The following ITPR2 variants were observed in gnomAD, a reference collection of about 807,000 sequenced individuals.
The protein encoded by ITPR2 is inositol 1,4,5-trisphosphate-gated calcium channel ITPR2.
In ITPR2, 207 loss-of-function variants were observed where a neutral mutation model predicts 317.1. The ratio of observed to expected loss-of-function variants is 0.65; its 90% CI spans 0.58 to 0.73. ITPR2 has a LOEUF of 0.73. Ranked by LOEUF, ITPR2 falls within the 30% of genes least tolerant of loss-of-function variation. The pLI, the probability that ITPR2 is intolerant of heterozygous loss-of-function variation, is 0.00. For missense variants in ITPR2, 2,613 were observed against 3,284.0 expected (o/e 0.80, Z 4.99); for synonymous variants, 1,156 against 1,149.1 (o/e 1.01, Z -0.12).
At chr12:26,696,809 C>T (rs1038342753) in intron 9 of ITPR2, among the ~76,000 whole-genome samples, 6 of 152,128 alleles carry the variant, frequency 3.9e-5, no homozygotes, top group East Asian at 1.9e-4. Flanking sequence ...GAGAATTTAC[C>T]GACCAAAAAC....
intron 45 of ITPR2, among the ~76,000 whole-genome samples, chr12:26,453,917 AG>A (rs1396868548): frequency 1.3e-5 from 2 of 152,202 alleles, no homozygotes; most frequent in Admixed American, 1.3e-4. Context: ...CCAGAAGGAC[AG>A]GGATTTTGTT....
chr12:26,436,238 C>T lies in ITPR2; in HGVS notation c.6752G>A (p.Gly2251Glu). The T allele has an allele frequency of 6.2e-7, 1 of 1,604,980 alleles. No individual in the cohort carries two copies. Among genetic ancestry groups the T allele is most frequent in the Non-Finnish European group, 8.5e-7 (1 of 1,176,934 alleles). ...GCACTTGCCTTCATCTCCATCATCC[C>T]CAAATGGGTAGAAGAGAGCAACAGC... Reference protein sequence around the residue: ...NLAVALFYPFGDDGDEGTLSP... With the variant: ...NLAVALFYPFEDDGDEGTLSP... The change falls in exon 48 of 57, where the codon GGG becomes GAG. Residue 2251 changes from glycine to glutamate, a missense_variant. Transcript: ENST00000381340.
intron 34 of ITPR2, among the ~76,000 whole-genome samples, chr12:26,565,243 G>A (rs556995455): frequency 6.6e-5 from 10 of 152,216 alleles, no homozygotes; most frequent in Admixed American, 2.6e-4. Flanking sequence ...TGAATCTGAA[G>A]AAGAAAATTA....
At chr12:26,431,295 C>T (rs1161459902) in intron 48 of ITPR2, among the ~76,000 whole-genome samples, 3 of 152,138 alleles carry the variant, frequency 2.0e-5, no homozygotes, top group Non-Finnish European at 2.9e-5. Context: ...CAATTTTCTC[C>T]ACTAACTAGT....
chr12:26,390,090 C>G lies in ITPR2; in HGVS notation c.7697-2496G>C, dbSNP rs369280884. Among the ~76,000 whole-genome samples, 3 of 152,212 alleles carry G rather than the reference C, an allele frequency of 2.0e-5. No homozygotes were observed. In the East Asian group the frequency reaches 5.8e-4, roughly 29 times the overall value. ...TATTGTTCCACTAGAATGCCTATAA[C>G]CAAAACCAGATAATAATAAGTGTTG... On this transcript the variant is annotated intron_variant, in intron 54 of 56. Transcript: ENST00000381340.
At chr12:26,523,600 C>G (rs1943725553) in intron 37 of ITPR2, among the ~76,000 whole-genome samples, 1 of 151,914 alleles carries the variant, frequency 6.6e-6, no homozygotes, top group Non-Finnish European at 1.5e-5. Flanking sequence ...GTTGGTACTC[C>G]CCCACCCCTA....
At chr12:26,454,544 A>T (rs1941830792) in intron 45 of ITPR2, among the ~76,000 whole-genome samples, 1 of 152,182 alleles carries the variant, frequency 6.6e-6, no homozygotes, top group African/African-American at 2.4e-5. Flanking sequence ...ATACAACAAG[A>T]AAAATGGGAA....
chr12:26,582,402 T>G (rs1025401162), intron 32 of ITPR2, among the ~76,000 whole-genome samples: 1 of 152,224 alleles, frequency 6.6e-6, no homozygotes, highest in African/African-American at 2.4e-5. Flanking sequence ...TTTTAATCCA[T>G]TTGCACATAT....
At chr12:26,418,842 A>G (rs971480059) in intron 50 of ITPR2, among the ~76,000 whole-genome samples, 8 of 152,158 alleles carry the variant, frequency 5.3e-5, no homozygotes, top group African/African-American at 1.7e-4. Flanking sequence ...AAGAGGAAAT[A>G]AAGAACTCCA....
chr12:26,499,091 T>C (rs1352974985), intron 37 of ITPR2, among the ~76,000 whole-genome samples: 1 of 152,152 alleles, frequency 6.6e-6, no homozygotes, highest in African/African-American at 2.4e-5. Flanking sequence ...ATAGAAAACT[T>C]TTTTACCATT....
intron 46 of ITPR2, among the ~76,000 whole-genome samples, chr12:26,440,871 C>G (rs1318081840): frequency 6.6e-6 from 1 of 152,088 alleles, no homozygotes; most frequent in Non-Finnish European, 1.5e-5. Context: ...ATTTTACAAG[C>G]AGCATGGACA....
rs139925842 is a variant in ITPR2, at chr12:26,483,836, A to G, written c.5874T>C (p.Phe1958=). 4.5e-4 allele frequency: 719 copies of G among 1,614,206 alleles called. No individual in the cohort carries two copies. The highest frequency in any genetic ancestry group is 5.5e-4 in the Non-Finnish European group (648 of 1,180,032). The change falls in exon 42 of 57, where the codon TTT becomes TTC. Residue 1958 remains phenylalanine (F), a synonymous_variant. Coordinates refer to ENST00000381340, the MANE Select transcript of ITPR2 (RefSeq NM_002223.4). ...NYNLVCETLQ[F]LDCICGSTTG... is the part of the protein sequence containing the mutation. ...TTGTACTTCCACAAATGCAGTCCAG[A>G]AACTGAAGGGTCTCACAGACTAGGT...
At chr12:26,678,342 C>T (rs1262541034) in intron 13 of ITPR2, among the ~76,000 whole-genome samples, 3 of 151,846 alleles carry the variant, frequency 2.0e-5, no homozygotes, top group African/African-American at 7.3e-5. Flanking sequence ...TGTTGAGGGT[C>T]TTGAAGCATA....
At chr12:26,756,040 A>G (rs1227082470) in intron 2 of ITPR2, among the ~76,000 whole-genome samples, 2 of 152,186 alleles carry the variant, frequency 1.3e-5, no homozygotes, top group East Asian at 3.8e-4. Context: ...ATCAAAGCCA[A>G]TTTGAAAGAG....
At chr12:26,497,436 G>A (rs1238922455) in intron 37 of ITPR2, among the ~76,000 whole-genome samples, 2 of 38,592 alleles carry the variant, frequency 5.2e-5, no homozygotes, top group East Asian at 3.7e-4. Context: ...TTACAGGCAT[G>A]AGCCACCGTG....
chr12:26,492,254 G>A (rs1048863031), intron 39 of ITPR2, among the ~76,000 whole-genome samples: 1 of 152,178 alleles, frequency 6.6e-6, no homozygotes, highest in African/African-American at 2.4e-5. Flanking sequence ...AAGAGATCTA[G>A]GGGAACAACT....
At chr12:26,770,001 T>G (rs1949811371) in intron 2 of ITPR2, among the ~76,000 whole-genome samples, 1 of 152,154 alleles carries the variant, frequency 6.6e-6, no homozygotes, top group Non-Finnish European at 1.5e-5. Context: ...AACTTAATAA[T>G]GAATATAGCA....
At chr12:26,762,551 C>T (rs1949655437) in intron 2 of ITPR2, among the ~76,000 whole-genome samples, 1 of 152,090 alleles carries the variant, frequency 6.6e-6, no homozygotes, top group South Asian at 2.1e-4. Context: ...TGAGACCTGC[C>T]TAACAAGAAA....
chr12:26,824,340 T>C (rs1031673092), intron 1 of ITPR2, among the ~76,000 whole-genome samples: 2 of 152,214 alleles, frequency 1.3e-5, no homozygotes, highest in African/African-American at 4.8e-5. Context: ...CATCAAACCA[T>C]TGTAAATTGG....
Sources: allele counts gnomAD v4.1 joint callset (sites outside exome capture counted in the v4.1 genomes callset), GRCh38; gene constraint gnomAD v4.1.1; transcripts MANE v1.5; gene names NCBI Gene and HGNC (gene_info 2026-07-23, HGNC 2026-07-21).